The following CARNMT1 variants were observed in gnomAD, a reference collection of about 807,000 sequenced individuals.
CARNMT1 encodes protein-L-histidine N-pros-methyltransferase CARNMT1.
CARNMT1 carries 28 observed loss-of-function variants against 49.6 expected under a neutral mutation model. The ratio of observed to expected loss-of-function variants is 0.56; its 90% CI spans 0.42 to 0.77. CARNMT1 has a LOEUF of 0.77. CARNMT1 is among the 30% of genes least tolerant of loss of function. The probability of loss-of-function intolerance (pLI) is 0.00; values close to 1 mark genes in which losing one functional copy is unlikely to be tolerated. For missense variants in CARNMT1, 421 were observed against 512.6 expected (o/e 0.82, Z 1.73); for synonymous variants, 178 against 175.0 (o/e 1.02, Z -0.13).
chr9:74,986,851 GCA>G (rs1298320840), intron 6 of CARNMT1, among the ~76,000 whole-genome samples: 3 of 152,136 alleles, frequency 2.0e-5, no homozygotes, highest in Non-Finnish European at 2.9e-5. Context: ...CAGGCAATTA[GCA>G]CAGTTTTCTC....
At chr9:75,014,979 A>G (rs976537696) in intron 3 of CARNMT1, among the ~76,000 whole-genome samples, 4 of 152,200 alleles carry the variant, frequency 2.6e-5, no homozygotes, top group African/African-American at 7.2e-5. Context: ...GGCAAAGGAG[A>G]GGAGGAAAAG....
intron 1 of CARNMT1, among the ~76,000 whole-genome samples, chr9:75,024,192 C>G (rs1017101923): frequency 6.6e-6 from 1 of 152,200 alleles, no homozygotes; most frequent in Non-Finnish European, 1.5e-5. Context: ...AAAAACATAA[C>G]TTGTCAGAAA....
chr9:75,010,808 G>GGAGAATGGTGGA (rs1478713339), intron 3 of CARNMT1, among the ~76,000 whole-genome samples: 1 of 151,972 alleles, frequency 6.6e-6, no homozygotes, highest in Non-Finnish European at 1.5e-5. Flanking sequence ...GGCAGGGTGG[G>GGAGAATGGTGGA]GAGAATGGTG....
chr9:75,027,913 G>C, intron 1 of CARNMT1, 99 bp downstream of exon 1: 1 of 1,307,228 alleles, frequency 7.6e-7, no homozygotes, highest in South Asian at 1.7e-5. Context: ...CGCCTCGGAG[G>C]CGTGGCGGCG....
Position 74,996,528 on chromosome 9 carries a change from T to C in CARNMT1, c.943A>G (p.Ile315Val). 2 of 1,605,212 alleles carry C rather than the reference T, an allele frequency of 1.2e-6. No individual in the cohort carries two copies. Among genetic ancestry groups the C allele is most frequent in the Non-Finnish European group, 1.7e-6 (2 of 1,175,048 alleles). Residue 315 changes from isoleucine (I) to valine (V), a missense_variant, in exon 6 of 8, where the codon ATA becomes GTA. Ile to Val is a conservative substitution (Grantham distance 29). Around this residue, in one of 2 missense-constraint regions of CARNMT1, gnomAD observed 235 missense variants for 344.8 expected, o/e 0.68. Transcript: ENST00000376834. ...TWDCIATCFF[I>V]DTAHNVIDYI... ...TCAATTACATTGTGAGCTGTGTCTA[T>C]GAAGAAACAGGTAGCAATACAGTCC...
chr9:74,996,650 C>T (rs1395537246), intron 5 of CARNMT1, 90 bp from the exon 6 acceptor site: 6 of 701,808 alleles, frequency 8.5e-6, no homozygotes, highest in Non-Finnish European at 1.2e-5. Context: ...TTACCTTTTA[C>T]AGAGTATTAA....
chr9:74,986,544 T>C (rs1274734225), intron 6 of CARNMT1, among the ~76,000 whole-genome samples: 1 of 152,228 alleles, frequency 6.6e-6, no homozygotes, highest in Non-Finnish European at 1.5e-5. Flanking sequence ...CAGCAGAGTC[T>C]TTCCAGCTTT....
In CARNMT1 at chr9:74,998,690, A is replaced by G. The variant is rs761672450; in HGVS notation, c.818T>C (p.Ile273Thr). 1.2e-6 allele frequency: 2 copies of G among 1,609,202 alleles called. 1 individual carries two copies. Among genetic ancestry groups the G allele is most frequent in the South Asian group, 2.2e-5 (2 of 90,494 alleles). Residue 273 changes from isoleucine (I) to threonine (T), a missense_variant, in exon 5 of 8, where the codon ATC becomes ACC. Ile to Thr is a moderately conservative substitution (Grantham distance 89). Transcript: ENST00000376834. Reference protein sequence around the residue: ...NRRSADQIRPIFFPDVDPHSL... With the variant: ...NRRSADQIRPTFFPDVDPHSL... ...GTGGGGGTCAACATCAGGGAAAAAGATGGGTCGAATCTGATCAGCTGATCT... is the reference window on the plus strand; with the variant it reads ...GTGGGGGTCAACATCAGGGAAAAAGGTGGGTCGAATCTGATCAGCTGATCT...
At chr9:75,007,861 A>G (rs2118827719) in intron 3 of CARNMT1, among the ~76,000 whole-genome samples, 1 of 152,164 alleles carries the variant, frequency 6.6e-6, no homozygotes, top group Admixed American at 6.5e-5. Flanking sequence ...AAACAAGGAA[A>G]CAAAAGGCAT....
At chr9:75,012,151 G>A (rs1833707533) in intron 3 of CARNMT1, among the ~76,000 whole-genome samples, 1 of 152,118 alleles carries the variant, frequency 6.6e-6, no homozygotes. Flanking sequence ...GAGCTTCAAG[G>A]TCTTGATGCC....
Position 75,028,059 on chromosome 9 carries a change from A to C in CARNMT1, c.183T>G (p.Leu61=), listed in dbSNP as rs772247852. ...TRSTEEEEER[L]EREHFWKIIN... ...TGATCTTCCAGAAGTGCTCACGCTC[A>C]AGCCTCTCCTCCTCCTCCTCGGTGC... The change falls in exon 1 of 8, where the codon CTT becomes CTG. Residue 61 remains leucine, a synonymous_variant. Coordinates refer to ENST00000376834, the MANE Select transcript of CARNMT1 (RefSeq NM_152420.3). 1.1e-5 allele frequency: 18 copies of C among 1,579,512 alleles called. No individual in the cohort carries two copies. The highest frequency in any genetic ancestry group is 1.5e-5 in the Non-Finnish European group (18 of 1,165,352).
chr9:75,006,078 GAC>G (rs2118820612), intron 3 of CARNMT1, among the ~76,000 whole-genome samples: 1 of 149,972 alleles, frequency 6.7e-6, no homozygotes, highest in East Asian at 1.9e-4. Context: ...TTTTTTTTGT[GAC>G]AGAGTCTCCA....
rs1822581023 is a variant in CARNMT1, at chr9:75,027,993, T to A, written c.230+19A>T. The stretch of plus-strand genomic sequence containing the variant: ...GGCGCCCCGACGGTCTGGGCCGGGG[T>A]CCGCCACGGGCTCCTTACCCGTAGT... On this transcript the variant is annotated intron_variant, in intron 1 of 7. Transcript: ENST00000376834. 1.3e-6 allele frequency: 2 copies of A among 1,547,688 alleles called. No homozygotes were observed. The highest frequency in any genetic ancestry group is 5.4e-5 in the East Asian group (2 of 36,750).
chr9:75,018,228 A>T (rs1457333381), intron 1 of CARNMT1, among the ~76,000 whole-genome samples: 1 of 151,932 alleles, frequency 6.6e-6, no homozygotes, highest in Non-Finnish European at 1.5e-5. Context: ...CACTTGGCTA[A>T]TATTTTTGTA....
chr9:75,018,230 ATTTTTGTATT>A (rs761463359), intron 1 of CARNMT1, among the ~76,000 whole-genome samples: 22 of 151,640 alleles, frequency 1.5e-4, no homozygotes, highest in Non-Finnish European at 2.8e-4. Flanking sequence ...CTTGGCTAAT[ATTTTTGTATT>A]TTTTTGTAGA....
At chr9:74,990,352 T>C (rs1009672992) in intron 6 of CARNMT1, among the ~76,000 whole-genome samples, 1 of 152,164 alleles carries the variant, frequency 6.6e-6, no homozygotes, top group Non-Finnish European at 1.5e-5. Context: ...AGACGGAAAC[T>C]AGAGGCCACT....
At chr9:74,985,096 G>C (rs891617219) in intron 6 of CARNMT1, 86 bp from the exon 7 acceptor site, 2 of 973,174 alleles carry the variant, frequency 2.1e-6, no homozygotes, top group Non-Finnish European at 3.2e-6. Context: ...GAGTAAGTTA[G>C]GTACTGGATG....
At chr9:75,026,327 T>C (rs191829709) in intron 1 of CARNMT1, among the ~76,000 whole-genome samples, 14 of 152,266 alleles carry the variant, frequency 9.2e-5, no homozygotes, top group African/African-American at 2.6e-4. Flanking sequence ...CCCATAAATA[T>C]CAATTTTAAA....
At chr9:75,014,554 G>A (rs1833789706) in intron 3 of CARNMT1, among the ~76,000 whole-genome samples, 1 of 152,006 alleles carries the variant, frequency 6.6e-6, no homozygotes, top group Non-Finnish European at 1.5e-5. Context: ...AGGGAGGGAA[G>A]ACGGAAGAGG....
Sources: allele counts gnomAD v4.1 joint callset (sites outside exome capture counted in the v4.1 genomes callset), GRCh38; gene constraint gnomAD v4.1.1; regional missense constraint gnomAD v4.1.1; transcripts MANE v1.5; gene names NCBI Gene and HGNC (gene_info 2026-07-23, HGNC 2026-07-21).